Variants in TOP1MT observed in about 807,000 individuals in gnomAD.
TOP1MT encodes DNA topoisomerase I mitochondrial, also known as DNA topoisomerase I, mitochondrial.
A neutral mutation model predicts 73.9 loss-of-function variants in TOP1MT; 80 were observed. That is an observed-to-expected ratio of 1.08 (90% confidence interval 0.90 to 1.30). TOP1MT has a LOEUF of 1.30. Ranked by LOEUF, TOP1MT falls within the 50% of genes most tolerant of loss-of-function variation. The pLI is 0.00. For missense variants in TOP1MT, 815 were observed against 808.0 expected (o/e 1.01, Z -0.10); for synonymous variants, 338 against 326.4 (o/e 1.04, Z -0.38).
intron 7 of TOP1MT, among the ~76,000 whole-genome samples, chr8:143,321,612 ACGCCACACGCACG>A (rs1193247584): frequency 1.1e-4 from 7 of 61,380 alleles, no homozygotes; most frequent in Non-Finnish European, 2.0e-4. Context: ...ACACGCACGC[ACGCCACACGCACG>A]CCACACACAG....
rs371532680 is a variant in TOP1MT at position 143,323,988 on chromosome 8, A to G, written c.960+11T>C. 1.2e-4 allele frequency: 193 copies of G among 1,611,262 alleles called. 1 individual carries two copies. In the African/African-American group the frequency reaches 2.2e-3, roughly 19 times the overall value. On this transcript the variant is annotated intron_variant, in intron 7 of 13. Transcript: ENST00000329245. ...GATGAAGAGCCGCCAGGAAGCGAGA[A>G]GGCCGCATACCTTATCGATGAAATA...
intron 1 of TOP1MT, among the ~76,000 whole-genome samples, chr8:143,332,237 T>C (rs1045121200): frequency 2.0e-5 from 3 of 152,116 alleles, no homozygotes; most frequent in Non-Finnish European, 4.4e-5. Context: ...CAACTGAACC[T>C]AGATTCTGAG....
chr8:143,318,226 C>G (rs950881045), intron 8 of TOP1MT, 140 bp from the exon 9 acceptor site: 2 of 682,486 alleles, frequency 2.9e-6, no homozygotes. Context: ...CGTCACCTGT[C>G]GGCATCCTCC....
chr8:143,356,274 A>T (rs939497085), upstream of TOP1MT, among the ~76,000 whole-genome samples: 7 of 152,200 alleles, frequency 4.6e-5, no homozygotes, highest in Admixed American at 1.3e-4. Flanking sequence ...GATTCCAGGT[A>T]ACCAGTAACC....
At chr8:143,322,594 CAT>C (rs1486223767) in intron 7 of TOP1MT, among the ~76,000 whole-genome samples, 1 of 135,008 alleles carries the variant, frequency 7.4e-6, no homozygotes, top group South Asian at 2.3e-4. Context: ...ACGCCACACA[CAT>C]GCAGGCCACA....
At position 143,316,108 on chromosome 8, in the gene TOP1MT, G is replaced by A. The variant is rs752733325; in HGVS notation, c.1349C>T (p.Ala450Val). 2 of 1,614,160 alleles carry A rather than the reference G, an allele frequency of 1.2e-6. No homozygotes were observed. The highest frequency in any genetic ancestry group is 1.7e-6 in the Non-Finnish European group (2 of 1,179,988). ...GGCTCGGTTGTAGGATAAGATCTTA[G>A]CTGCTATGCTGTCCTCGGCTGAGAG... Reference protein sequence around the residue: ...ALTRAEDSIAAKILSYNRANR... With the variant: ...ALTRAEDSIAVKILSYNRANR... The change falls in exon 11 of 14, where the codon GCT (alanine) becomes GTT (valine). Residue 450 changes from alanine (A) to valine (V), a missense_variant. By Grantham distance (64) the Ala-to-Val change is moderately conservative. Transcript: ENST00000329245.
intron 1 of TOP1MT, chr8:143,343,473 ACT>A (rs1817167289): frequency 3.5e-5 from 12 of 342,390 alleles, no homozygotes; most frequent in South Asian, 2.5e-4. Context: ...GGAACCTCTG[ACT>A]CTGAGCACAG....
chr8:143,320,315 A>G (rs2130007833), intron 8 of TOP1MT, among the ~76,000 whole-genome samples: 1 of 152,130 alleles, frequency 6.6e-6, no homozygotes, highest in East Asian at 2.0e-4. Flanking sequence ...TATTTTTAGT[A>G]GAGACGGGGT....
intron 2 of TOP1MT, among the ~76,000 whole-genome samples, 170 bp downstream of exon 2, chr8:143,331,054 A>G (rs1432548374): frequency 6.6e-6 from 1 of 152,176 alleles, no homozygotes; most frequent in Admixed American, 6.5e-5. Context: ...CCCTCTGAGC[A>G]TGGGTCAGTT....
At chr8:143,348,076 G>A (rs1817258907), upstream of TOP1MT, among the ~76,000 whole-genome samples, 1 of 152,162 alleles carries the variant, frequency 6.6e-6, no homozygotes, top group South Asian at 2.1e-4. The surrounding 1 kb of genome is among the most constrained non-coding windows in gnomAD (Gnocchi z 4.6). Context: ...TCTGTGCTAA[G>A]AGTGGAGTTC....
intron 8 of TOP1MT, 28 bp downstream of exon 8, chr8:143,321,173 C>G (rs750266488): frequency 1.3e-6 from 2 of 1,544,346 alleles, no homozygotes; most frequent in East Asian, 2.4e-5. Context: ...TGTCACATAG[C>G]GGGGGCAGCT....
upstream of TOP1MT, among the ~76,000 whole-genome samples, chr8:143,356,954 T>C (rs1817419818): frequency 6.7e-6 from 1 of 149,704 alleles, no homozygotes; most frequent in Admixed American, 6.7e-5. Flanking sequence ...ATTAGATGGG[T>C]GTGGTGGCGG....
Position 143,326,307 on chromosome 8 carries a change from A to C in TOP1MT, c.398T>G (p.Leu133Arg). Reference protein sequence around the residue: ...AVEEREVIKSLDKCDFTEIHR... With the variant: ...AVEEREVIKSRDKCDFTEIHR... ...GATCTCCGTGAAGTCACACTTGTCC[A>C]GGCTCTTGATGACTTCCCTCTCTTC... The change falls in exon 4 of 14, where the codon CTG (leucine) becomes CGG (arginine). Residue 133 changes from leucine to arginine, a missense_variant. Leu to Arg is a moderately radical substitution (Grantham distance 102). This residue lies in a region of TOP1MT where 751 missense variants were observed against 725.4 expected (regional missense o/e 1.04). Transcript: ENST00000329245. 1.2e-6 allele frequency: 2 copies of C among 1,614,032 alleles called. No homozygotes were observed. Among genetic ancestry groups the C allele is most frequent in the Non-Finnish European group, 1.7e-6 (2 of 1,180,010 alleles).
At chr8:143,348,415 T>A (rs1259698173), upstream of TOP1MT, among the ~76,000 whole-genome samples, 1 of 152,190 alleles carries the variant, frequency 6.6e-6, no homozygotes, top group African/African-American at 2.4e-5. The surrounding 1 kb of genome is among the most constrained non-coding windows in gnomAD (Gnocchi z 4.6). Context: ...AGACTCCATG[T>A]GACCCTGTGG....
intron 7 of TOP1MT, among the ~76,000 whole-genome samples, chr8:143,322,846 C>CAG (rs1226126679): frequency 2.1e-5 from 2 of 94,442 alleles, no homozygotes; most frequent in Non-Finnish European, 2.3e-5. Context: ...ACACCACACA[C>CAG]GCACGCAACA....
intron 8 of TOP1MT, among the ~76,000 whole-genome samples, chr8:143,319,999 C>T (rs1816285085): frequency 6.6e-6 from 1 of 151,852 alleles, no homozygotes; most frequent in African/African-American, 2.4e-5. Context: ...TGGCAGGCAC[C>T]TGTAATCCCA....
intron 2 of TOP1MT, among the ~76,000 whole-genome samples, 190 bp downstream of exon 2, chr8:143,331,034 C>A (rs1257577684): frequency 6.6e-6 from 1 of 152,152 alleles, no homozygotes; most frequent in Non-Finnish European, 1.5e-5. Context: ...CGGGAGCCCC[C>A]GAACTGCCAC....
chr8:143,340,257 T>C (rs1586778733), intron 2 of TOP1MT, among the ~76,000 whole-genome samples: 1 of 21,308 alleles, frequency 4.7e-5, no homozygotes, highest in Non-Finnish European at 1.2e-4. Context: ...ATTCCCACAC[T>C]CCCAGCACTG....
At position 143,324,542 on chromosome 8, in the gene TOP1MT, G is replaced by A. The variant is rs142980034; in HGVS notation, c.759C>T (p.Thr253=). The A allele has an allele frequency of 1.9e-5, 31 of 1,613,892 alleles. No homozygotes were observed. The highest frequency in any genetic ancestry group is 1.8e-4 in the Admixed American group (11 of 60,022). ...ACTTGATGGAGTTCTGAACGCTCTC[G>A]GTCCAAGCTGCCAGCCACGTGACGG... ...DNTVTWLAAW[T]ESVQNSIKYI... The change falls in exon 6 of 14, where the codon ACC becomes ACT. Residue 253 remains threonine (T), a synonymous_variant. Coordinates refer to ENST00000329245, the MANE Select transcript of TOP1MT (RefSeq NM_052963.3).
Sources: gnomAD v4.1 joint callset for allele counts (sites outside exome capture counted in the v4.1 genomes callset) on GRCh38, gnomAD v4.1.1 for gene constraint, gnomAD v4.1.1 regional missense constraint, Gnocchi (gnomAD v3.1) non-coding constraint, MANE v1.5 for transcripts, NCBI Gene and HGNC (gene_info 2026-07-23, HGNC 2026-07-21) for gene names.